Variants in SETD5 observed in about 807,000 individuals in gnomAD.
SETD5 encodes the protein SET domain containing 5.
In SETD5, 44 loss-of-function variants were observed where a neutral mutation model predicts 153.3. That is an observed-to-expected ratio of 0.29 (90% CI 0.23 to 0.37). The LOEUF (loss-of-function observed/expected upper bound fraction) is 0.37, where lower values mean the gene tolerates loss of function less well. SETD5 is among the 10% of genes least tolerant of loss of function. The probability of loss-of-function intolerance (pLI) is 1.00; values close to 1 mark genes in which losing one functional copy is unlikely to be tolerated. For synonymous variants in SETD5, 716 were observed against 645.2 expected, an observed-to-expected ratio of 1.11 and a Z score of -1.66; for missense variants, 1,544 against 1,768.0, an observed-to-expected ratio of 0.87 and a Z score of 2.27.
chr3:9,447,283 T>C lies in SETD5; in HGVS notation c.1758T>C (p.Asn586=). 5 of 1,613,436 alleles carry C rather than the reference T, an allele frequency of 3.1e-6. No homozygotes were observed. The highest frequency in any genetic ancestry group is 4.2e-6 in the Non-Finnish European group (5 of 1,179,704). ...IPSTPQSVGV[N]TRRSSQAGDI... ...GCACCCCACAGAGTGTTGGTGTGAA[T>C]ACCCGGAGGTCTTCCCAAGCAGGGG... The change falls in exon 14 of 23, where the codon AAT becomes AAC. Residue 586 remains asparagine, a synonymous_variant. Transcript: ENST00000402198.
At chr3:9,404,093 A>G (rs900295732) in intron 1 of SETD5, among the ~76,000 whole-genome samples, 4 of 152,212 alleles carry the variant, frequency 2.6e-5, no homozygotes, top group Non-Finnish European at 4.4e-5. Context: ...TTCCAAGAGC[A>G]CATTTGTTGC....
chr3:9,420,799 T>C (rs1169454813), intron 1 of SETD5, among the ~76,000 whole-genome samples: 1 of 152,098 alleles, frequency 6.6e-6, no homozygotes, highest in Non-Finnish European at 1.5e-5. Context: ...GTAACTCATA[T>C]TTGTTTCTTC....
At chr3:9,421,312 T>C (rs2038359459) in intron 1 of SETD5, among the ~76,000 whole-genome samples, 1 of 152,268 alleles carries the variant, frequency 6.6e-6, no homozygotes, top group East Asian at 1.9e-4. Flanking sequence ...TTTCTTTTTT[T>C]ATTTTTTTAG....
intron 13 of SETD5, among the ~76,000 whole-genome samples, chr3:9,445,965 G>GGTTTT (rs2041907619): frequency 2.3e-5 from 2 of 86,458 alleles, no homozygotes; most frequent in African/African-American, 9.4e-5. Context: ...TGAAGAGGTT[G>GGTTTT]TTTTTTTTTT....
chr3:9,446,500 TTTTTTC>T (rs1299795342), intron 13 of SETD5, among the ~76,000 whole-genome samples: 1 of 151,874 alleles, frequency 6.6e-6, no homozygotes, highest in Non-Finnish European at 1.5e-5. Context: ...TGACTTTTTT[TTTTTTC>T]TTTTTGAGAC....
intron 18 of SETD5, 110 bp from the exon 19 acceptor site, chr3:9,470,349 C>A (rs751219602): frequency 2.5e-6 from 2 of 794,016 alleles, no homozygotes; most frequent in Non-Finnish European, 2.1e-6. Flanking sequence ...GCTCTACTTC[C>A]GTCCCTCTTA....
Position 9,445,736 on chromosome 3 carries a change from G to A in SETD5, c.1520G>A (p.Arg507Lys). ...GACCAGGAGAACCTAGCTCATAGCAGGAGGGTGAGTACTGTCTGACATTAC... is the reference window on the plus strand; with the variant it reads ...GACCAGGAGAACCTAGCTCATAGCAAGAGGGTGAGTACTGTCTGACATTAC... ...IDDQENLAHS[R>K]RTREDRKVEA... The change falls in exon 13 of 23, where the codon AGG (arginine) becomes AAG (lysine). Residue 507 changes from arginine (R) to lysine (K), a missense_variant. Physicochemically the swap from Arg to Lys is conservative, Grantham distance 26. Coordinates refer to ENST00000402198, the MANE Select transcript of SETD5 (RefSeq NM_001080517.3). The A allele has an allele frequency of 6.2e-7, 1 of 1,611,450 alleles. No homozygotes were observed. The highest frequency in any genetic ancestry group is 8.5e-7 in the Non-Finnish European group (1 of 1,178,654).
intron 19 of SETD5, among the ~76,000 whole-genome samples, chr3:9,472,069 A>G (rs1465521872): frequency 6.6e-6 from 1 of 152,232 alleles, no homozygotes; most frequent in African/African-American, 2.4e-5. Flanking sequence ...ATTGATTTCG[A>G]AGATTGTTGC....
chr3:9,466,181 G>A (rs1416314756), intron 18 of SETD5, among the ~76,000 whole-genome samples: 1 of 151,458 alleles, frequency 6.6e-6, no homozygotes, highest in Non-Finnish European at 1.5e-5. Context: ...CCAGCTACTC[G>A]GGAGGCTGAG....
intron 10 of SETD5, chr3:9,443,085 C>T: frequency 2.4e-6 from 1 of 408,510 alleles, no homozygotes; most frequent in Non-Finnish European, 4.5e-6. Flanking sequence ...TTTCTAACAT[C>T]TCAAGGTTTC....
In SETD5 at chr3:9,447,891, G is replaced by T; in HGVS notation, c.1988G>T (p.Gly663Val). ...AGTTTAGTAACTCCTACTGAAGCTG[G>T]AAGTCTAGACAGTTCAGGAGAAAAC... is the stretch of plus-strand genomic sequence containing the variant. ...SNSLVTPTEA[G>V]SLDSSGENRP... is the part of the protein sequence containing the mutation. The change falls in exon 15 of 23, where the codon GGA becomes GTA. Residue 663 changes from glycine (G) to valine (V), a missense_variant. Coordinates refer to ENST00000402198, the MANE Select transcript of SETD5 (RefSeq NM_001080517.3). 1 of 1,614,002 alleles carries T rather than the reference G, an allele frequency of 6.2e-7. No individual in the cohort carries two copies. Among genetic ancestry groups the T allele is most frequent in the Non-Finnish European group, 8.5e-7 (1 of 1,179,882 alleles).
intron 17 of SETD5, among the ~76,000 whole-genome samples, chr3:9,455,697 T>A (rs547658051): frequency 6.6e-6 from 1 of 152,304 alleles, no homozygotes; most frequent in South Asian, 2.1e-4. Context: ...TGAAATAGAC[T>A]ATCATGTTTG....
rs1197954327 is a variant in SETD5 at position 9,476,286 on chromosome 3, G to A, written c.*195G>A. ...TTGGAGAAAGCTGTAAATCTTGTCT[G>A]AAGCAGAGACTATAAAGAAGTTTCT... On this transcript the variant is annotated 3_prime_UTR_variant, in exon 23 of 23. Transcript: ENST00000402198. 1 of 703,698 alleles carries A rather than the reference G, an allele frequency of 1.4e-6. No homozygotes were observed. The highest frequency in any genetic ancestry group is 2.3e-6 in the Non-Finnish European group (1 of 437,996). 43.6% of individuals were successfully genotyped at this position (703,698 alleles called of 1,614,324 possible). A position where few individuals can be genotyped will look rare whatever the true frequency, so the allele number is the denominator to read the frequency against.
chr3:9,419,427 A>T (rs545916836), intron 1 of SETD5, among the ~76,000 whole-genome samples: 1 of 152,296 alleles, frequency 6.6e-6, no homozygotes, highest in African/African-American at 2.4e-5. Flanking sequence ...AAGGCTGGGC[A>T]TGGCAGTATG....
intron 14 of SETD5, 32 bp downstream of exon 14, chr3:9,447,339 A>G (rs759579895): frequency 1.3e-6 from 2 of 1,585,020 alleles, no homozygotes; most frequent in Non-Finnish European, 1.7e-6. Flanking sequence ...GCACTTAGAC[A>G]TCCTCACCTT....
At chr3:9,411,410 T>G (rs1239862318) in intron 1 of SETD5, among the ~76,000 whole-genome samples, 2 of 152,232 alleles carry the variant, frequency 1.3e-5, no homozygotes, top group African/African-American at 4.8e-5. Context: ...TGTTTTATCC[T>G]TCCTAATTAC....
chr3:9,470,691 C>T lies in SETD5; in HGVS notation c.2957C>T (p.Ala986Val), dbSNP rs1183135659. The change falls in exon 19 of 23, where the codon GCC becomes GTC. Residue 986 changes from alanine to valine, a missense_variant. Ala to Val is a moderately conservative substitution (Grantham distance 64). Coordinates refer to ENST00000402198, the MANE Select transcript of SETD5 (RefSeq NM_001080517.3). ...AFRTEFNLMY[A>V]YSPLNAMPRA... The stretch of plus-strand genomic sequence containing the variant: ...CGGACAGAGTTCAACTTGATGTATG[C>T]CTACTCCCCTTTGAATGCTATGCCT... 1.9e-6 allele frequency: 3 copies of T among 1,613,968 alleles called. No individual in the cohort carries two copies. Among genetic ancestry groups the T allele is most frequent in the Admixed American group, 1.7e-5 (1 of 60,020 alleles).
In SETD5 at chr3:9,476,224, A is replaced by G. The variant is rs1010224544; in HGVS notation, c.*133A>G. ...TGCCAGAGGATTGGGTCTGGTGGAC[A>G]AGAAACAAGACTTGTGGTCACAATT... is the stretch of plus-strand genomic sequence containing the variant. On this transcript the variant is annotated 3_prime_UTR_variant, in exon 23 of 23. Transcript: ENST00000402198. 6.4e-6 allele frequency: 8 copies of G among 1,252,510 alleles called. No homozygotes were observed. In the African/African-American group the frequency reaches 1.2e-4, roughly 19 times the overall value. The allele number at this position is 1,252,510 out of a possible 1,614,324, so 77.6% of individuals were successfully genotyped here.
chr3:9,419,782 A>G (rs1295667313), intron 1 of SETD5, among the ~76,000 whole-genome samples: 1 of 152,222 alleles, frequency 6.6e-6, no homozygotes, highest in Non-Finnish European at 1.5e-5. Flanking sequence ...TAAATTAATG[A>G]AAGTAAAAAT....
Sources: allele counts gnomAD v4.1 joint callset (sites outside exome capture counted in the v4.1 genomes callset), GRCh38; gene constraint gnomAD v4.1.1; transcripts MANE v1.5; gene names NCBI Gene and HGNC (gene_info 2026-07-23, HGNC 2026-07-21).